NLK: variants seen among roughly 807,000 people sequenced by gnomAD.
The protein encoded by NLK is serine/threonine-protein kinase NLK.
A neutral mutation model predicts 59.0 loss-of-function variants in NLK; 11 were observed. That is an observed-to-expected ratio of 0.19 (90% confidence interval 0.12 to 0.31). The LOEUF is 0.31. Among genes scored for constraint, NLK ranks in the 10% least tolerant of loss-of-function variants. The probability of loss-of-function intolerance (pLI) is 1.00; values close to 1 mark genes in which losing one functional copy is unlikely to be tolerated. For missense variants in NLK, 410 were observed against 661.1 expected (o/e 0.62, Z 4.16); for synonymous variants, 235 against 235.9 (o/e 1.00, Z 0.03).
At chr17:28,089,860 C>G (rs1904422820) in intron 1 of NLK, among the ~76,000 whole-genome samples, 1 of 152,062 alleles carries the variant, frequency 6.6e-6, no homozygotes, top group African/African-American at 2.4e-5. Context: ...CTGTTCAAAT[C>G]TTCTCTCTAC....
At chr17:28,105,094 A>T (rs1905031625) in intron 1 of NLK, among the ~76,000 whole-genome samples, 1 of 152,140 alleles carries the variant, frequency 6.6e-6, no homozygotes, top group African/African-American at 2.4e-5. Context: ...CAGGCTGCAG[A>T]CTATTTTCCT....
chr17:28,111,894 GTGGTGTGT>G (rs1279342046), intron 1 of NLK, among the ~76,000 whole-genome samples: 35 of 102,446 alleles, frequency 3.4e-4, no homozygotes, highest in Middle Eastern at 5.7e-3. Flanking sequence ...GTGTGTGTGT[GTGGTGTGT>G]GTGTGTGTGT....
chr17:28,142,676 C>CTTT (rs1907056932), intron 3 of NLK, among the ~76,000 whole-genome samples: 1 of 151,960 alleles, frequency 6.6e-6, no homozygotes, highest in Admixed American at 6.6e-5. Flanking sequence ...AGTTTCATAT[C>CTTT]TGAGTACTAG....
chr17:28,081,334 T>C (rs750359012), intron 1 of NLK, among the ~76,000 whole-genome samples: 8 of 151,958 alleles, frequency 5.3e-5, no homozygotes, highest in Admixed American at 4.6e-4. Context: ...TACAGGTGTA[T>C]GCCACATGCC....
chr17:28,162,696 G>A (rs1329674889), intron 4 of NLK, among the ~76,000 whole-genome samples: 1 of 152,122 alleles, frequency 6.6e-6, no homozygotes, highest in Non-Finnish European at 1.5e-5. Context: ...GGGGAAAATG[G>A]GGAAGATATT....
intron 1 of NLK, among the ~76,000 whole-genome samples, chr17:28,055,316 C>G (rs1909403713): frequency 1.3e-5 from 2 of 151,994 alleles, no homozygotes; most frequent in African/African-American, 4.8e-5. Context: ...TGGTCTCAAT[C>G]TCTTGACCTC....
intron 1 of NLK, among the ~76,000 whole-genome samples, chr17:28,100,204 A>G (rs1904858334): frequency 6.6e-6 from 1 of 152,196 alleles, no homozygotes; most frequent in Admixed American, 6.5e-5. Context: ...TTAGGAATGG[A>G]ATTTCTAATT....
At chr17:28,090,005 A>G (rs566561984) in intron 1 of NLK, among the ~76,000 whole-genome samples, 1 of 152,292 alleles carries the variant, frequency 6.6e-6, no homozygotes, top group African/African-American at 2.4e-5. Flanking sequence ...TGTCTTTGTA[A>G]CAGTGTCTTT....
intron 1 of NLK, among the ~76,000 whole-genome samples, chr17:28,063,930 G>A (rs991909004): frequency 5.9e-5 from 9 of 152,142 alleles, no homozygotes; most frequent in Admixed American, 4.6e-4. Context: ...CTGTTCTTTA[G>A]CCCTTTGAAT....
chr17:28,089,667 C>T (rs914731883), intron 1 of NLK, among the ~76,000 whole-genome samples: 6 of 152,146 alleles, frequency 3.9e-5, no homozygotes, highest in Admixed American at 6.5e-5. Context: ...ATGGTTTTAC[C>T]ACCTCACATT....
At chr17:28,166,806 T>C (rs1481390551) in intron 5 of NLK, among the ~76,000 whole-genome samples, 1 of 152,240 alleles carries the variant, frequency 6.6e-6, no homozygotes, top group Non-Finnish European at 1.5e-5. Context: ...AAAAGATTTA[T>C]TTCTAAGTTT....
chr17:28,064,645 G>A (rs1909768777), intron 1 of NLK, among the ~76,000 whole-genome samples: 1 of 152,134 alleles, frequency 6.6e-6, no homozygotes, highest in Non-Finnish European at 1.5e-5. Flanking sequence ...CAGTCCTCTT[G>A]ACTCAGCCTC....
At chr17:28,094,259 A>T (rs977453481) in intron 1 of NLK, among the ~76,000 whole-genome samples, 2 of 152,196 alleles carry the variant, frequency 1.3e-5, no homozygotes, top group African/African-American at 4.8e-5. Flanking sequence ...AACAACCCCC[A>T]AAACAAAACC....
intron 1 of NLK, among the ~76,000 whole-genome samples, chr17:28,071,852 T>A (rs1401640245): frequency 2.0e-5 from 3 of 152,262 alleles, no homozygotes; most frequent in African/African-American, 7.2e-5. Flanking sequence ...TGGTTTCTCT[T>A]GCCCTGCTTT....
At chr17:28,130,222 T>TTGGGGGTGTC (rs1170502121) in intron 2 of NLK, among the ~76,000 whole-genome samples, 2 of 152,182 alleles carry the variant, frequency 1.3e-5, no homozygotes, top group African/African-American at 2.4e-5. Context: ...CTCTAGCTAT[T>TTGGGGGTGTC]TAAATGGGGT....
intron 1 of NLK, among the ~76,000 whole-genome samples, chr17:28,100,523 A>C (rs1414086318): frequency 1.3e-5 from 2 of 152,202 alleles, no homozygotes; most frequent in Non-Finnish European, 2.9e-5. Context: ...ATTGTTGAGC[A>C]TACTTTTATG....
chr17:28,108,001 A>G (rs891569186), intron 1 of NLK, among the ~76,000 whole-genome samples: 6 of 152,182 alleles, frequency 3.9e-5, no homozygotes, highest in African/African-American at 1.4e-4. Context: ...TGGGAGGCCA[A>G]GGTAGGTGGT....
intron 8 of NLK, among the ~76,000 whole-genome samples, chr17:28,186,118 A>G (rs557957328): frequency 5.9e-5 from 9 of 152,348 alleles, no homozygotes; most frequent in East Asian, 5.8e-4. Context: ...CAAGAATACA[A>G]AGTCACCAAA....
At chr17:28,101,435 G>A (rs577292460) in intron 1 of NLK, among the ~76,000 whole-genome samples, 24 of 152,216 alleles carry the variant, frequency 1.6e-4, no homozygotes, top group African/African-American at 5.5e-4. Flanking sequence ...TCTTTATTTA[G>A]GTTGTCACCA....
Sources: allele counts gnomAD v4.1 joint callset (sites outside exome capture counted in the v4.1 genomes callset), GRCh38; gene constraint gnomAD v4.1.1; transcripts MANE v1.5; gene names NCBI Gene and HGNC (gene_info 2026-07-23, HGNC 2026-07-21).